The following ZNF664 variants were observed in gnomAD, a reference collection of about 807,000 sequenced individuals.
ZNF664 encodes zinc finger protein 664.
In ZNF664, 10 loss-of-function variants were observed where a neutral mutation model predicts 18.2. The observed-to-expected ratio is 0.55, with a 90% CI of 0.34 to 0.93. The LOEUF (loss-of-function observed/expected upper bound fraction) is 0.93. Among genes scored for constraint, ZNF664 ranks in the 40% least tolerant of loss-of-function variants. The pLI, the probability that ZNF664 is intolerant of heterozygous loss-of-function variation, is 0.02. For missense variants in ZNF664, 193 were observed against 319.0 expected, an observed-to-expected ratio of 0.61 and a Z score of 3.01; for synonymous variants, 119 against 104.2, an observed-to-expected ratio of 1.14 and a Z score of -0.86.
At chr12:124,011,324 G>A (rs1421509819) in intron 3 of ZNF664, 57 bp from the exon 4 acceptor site, 1 of 963,338 alleles carries the variant, frequency 1.0e-6, no homozygotes, top group Non-Finnish European at 1.2e-6. Context: ...TATTGTAATT[G>A]GATTATATAC....
At chr12:123,987,465 A>G (rs1322311204) in intron 2 of ZNF664, among the ~76,000 whole-genome samples, 2 of 152,214 alleles carry the variant, frequency 1.3e-5, no homozygotes, top group Non-Finnish European at 2.9e-5. Context: ...GCAGTGTTTT[A>G]AGTACTTCTC....
chr12:123,980,297 T>A (rs75977647), intron 2 of ZNF664, among the ~76,000 whole-genome samples: 2,007 of 152,272 alleles, frequency 0.013, 32 homozygotes, highest in African/African-American at 0.033. Context: ...AAGGAAGATG[T>A]TACAATTTCT....
intron 3 of ZNF664, among the ~76,000 whole-genome samples, chr12:124,001,113 G>A (rs548192536): frequency 3.3e-5 from 5 of 152,100 alleles, no homozygotes; most frequent in Non-Finnish European, 7.4e-5. Context: ...AAAGACCTGG[G>A]GGTCATCCTT....
intron 2 of ZNF664, among the ~76,000 whole-genome samples, chr12:123,987,788 A>T (rs953722053): frequency 6.6e-6 from 1 of 152,210 alleles, no homozygotes; most frequent in Admixed American, 6.5e-5. Context: ...TGATAATGGG[A>T]TACCTATATC....
rs1957169723 is a variant in ZNF664 at position 124,014,477 on chromosome 12, A to G, written c.*1547A>G. On this transcript the variant is annotated 3_prime_UTR_variant, in exon 5 of 5. Coordinates refer to ENST00000337815, the MANE Select transcript of ZNF664 (RefSeq NM_152437.3). The stretch of plus-strand genomic sequence containing the variant: ...GAACTCAAGGAATGTTTAGAAGACC[A>G]AAAGTCCCCAATGACAGGAACAAAA... 1 of 167,136 alleles carries G rather than the reference A, an allele frequency of 6.0e-6. No individual in the cohort carries two copies. The highest frequency in any genetic ancestry group is 1.5e-5 in the Non-Finnish European group (1 of 68,128). The allele number at this position is 167,136 out of a possible 1,614,324, so 10.4% of individuals were successfully genotyped here.
intron 3 of ZNF664, among the ~76,000 whole-genome samples, chr12:124,000,462 T>G (rs1956998658): frequency 1.3e-5 from 2 of 152,186 alleles, no homozygotes; most frequent in Admixed American, 6.5e-5. Context: ...TGTTATTTCT[T>G]TTCTCTCCCA....
intron 3 of ZNF664, among the ~76,000 whole-genome samples, chr12:123,990,755 C>T (rs953200260): frequency 1.3e-5 from 2 of 152,202 alleles, no homozygotes; most frequent in African/African-American, 4.8e-5. Flanking sequence ...TTGAGGGAGA[C>T]AAATCCAGTA....
At chr12:123,983,668 G>T (rs754562994) in intron 2 of ZNF664, among the ~76,000 whole-genome samples, 4 of 152,186 alleles carry the variant, frequency 2.6e-5, no homozygotes, top group African/African-American at 9.7e-5. Context: ...AGTAAATCCT[G>T]TATGTCCCTC....
At chr12:124,003,260 G>A (rs1437729174) in intron 3 of ZNF664, among the ~76,000 whole-genome samples, 1 of 152,018 alleles carries the variant, frequency 6.6e-6, no homozygotes, top group East Asian at 1.9e-4. Flanking sequence ...GAAGGCCCAG[G>A]AAGTGCACTC....
chr12:123,984,326 G>C lies in ZNF664; in HGVS notation c.-756-3717G>C, dbSNP rs150328291. ...TGTCCAGTGGGATAAAGAACAAAAA[G>C]TGCCCTTGGATTGGCCAAGAGAAGG... On this transcript the variant is annotated intron_variant, in intron 2 of 4. Coordinates refer to ENST00000337815, the MANE Select transcript of ZNF664 (RefSeq NM_152437.3). Among the ~76,000 whole-genome samples, 16 of 152,320 alleles carry C rather than the reference G, an allele frequency of 1.1e-4. No individual in the cohort carries two copies. The East Asian group carries it at 3.1e-3, about 29-fold the overall frequency.
chr12:124,011,061 TAGG>T (rs1236355687), intron 3 of ZNF664, among the ~76,000 whole-genome samples: 2 of 152,232 alleles, frequency 1.3e-5, no homozygotes, highest in African/African-American at 4.8e-5. Context: ...TGAGGACAAG[TAGG>T]AGAATGACAT....
At chr12:123,981,089 G>A (rs1361410383) in intron 2 of ZNF664, among the ~76,000 whole-genome samples, 2 of 152,182 alleles carry the variant, frequency 1.3e-5, no homozygotes, top group Admixed American at 6.5e-5. Flanking sequence ...CAAGACTGGA[G>A]GCTTTTGTAG....
rs191745241 is a variant in ZNF664 at position 123,986,069 on chromosome 12, G to A, written c.-756-1974G>A. Among the ~76,000 whole-genome samples the A allele has an allele frequency of 2.5e-4, 38 of 151,696 alleles. No individual in the cohort carries two copies. The East Asian group carries it at 7.0e-3, about 28-fold the overall frequency. On this transcript the variant is annotated intron_variant, in intron 2 of 4. Transcript: ENST00000337815. Reference sequence around the variant, plus strand: ...ATATACCTAGAGATAAGACATCCCAGTTCTGCTGGGAAGTGGACATTGGGT... The same window carrying A: ...ATATACCTAGAGATAAGACATCCCAATTCTGCTGGGAAGTGGACATTGGGT...
chr12:123,973,559 CCCCTCGG>C (rs1956627064), intron 1 of ZNF664: 1 of 339,194 alleles, frequency 2.9e-6, no homozygotes, highest in Non-Finnish European at 4.2e-6. Context: ...TGAGAAGCCG[CCCCTCGG>C]GCCTCGGGCG....
At chr12:123,974,253 A>C in intron 2 of ZNF664, 1 of 385,846 alleles carries the variant, frequency 2.6e-6, no homozygotes, top group Non-Finnish European at 4.6e-6. Context: ...CTAACAACTA[A>C]ATCTCCCCGG....
At chr12:123,981,329 A>C (rs985289464) in intron 2 of ZNF664, among the ~76,000 whole-genome samples, 1 of 152,244 alleles carries the variant, frequency 6.6e-6, no homozygotes, top group African/African-American at 2.4e-5. Context: ...CTTAATCCCC[A>C]ATGTGACAGT....
intron 3 of ZNF664, chr12:124,003,457 G>T (rs1957036802): frequency 6.6e-6 from 1 of 151,810 alleles, no homozygotes; most frequent in Non-Finnish European, 1.5e-5. Context: ...GAGTGCAGTG[G>T]CACGATCTCA....
At chr12:124,006,105 C>G (rs1451170185) in intron 3 of ZNF664, 1 of 152,440 alleles carries the variant, frequency 6.6e-6, no homozygotes, top group African/African-American at 2.4e-5. Context: ...ATTTTTCTCT[C>G]CTGCCCAGTC....
At position 123,973,924 on chromosome 12, in the gene ZNF664, C is replaced by G; in HGVS notation, c.-853C>G. 8.1e-7 allele frequency: 1 copy of G among 1,231,922 alleles called. No homozygotes were observed. Among genetic ancestry groups the G allele is most frequent in the Non-Finnish European group, 1.0e-6 (1 of 988,114 alleles). The allele number at this position is 1,231,922 out of a possible 1,614,324, so 76.3% of individuals were successfully genotyped here. On this transcript the variant is annotated 5_prime_UTR_variant, in exon 2 of 5. Coordinates refer to ENST00000337815, the MANE Select transcript of ZNF664 (RefSeq NM_152437.3). ...CGGCAGAGGAGGCGAGCATCCCGCTCAGGTGATGAGGAACCCCTCGCGCAC... is the reference window on the plus strand; with the variant it reads ...CGGCAGAGGAGGCGAGCATCCCGCTGAGGTGATGAGGAACCCCTCGCGCAC...
Sources: gnomAD v4.1 joint callset for allele counts (sites outside exome capture counted in the v4.1 genomes callset) on GRCh38, gnomAD v4.1.1 for gene constraint, MANE v1.5 for transcripts, NCBI Gene and HGNC (gene_info 2026-07-23, HGNC 2026-07-21) for gene names.